The following INVS variants were observed in gnomAD, a reference collection of about 807,000 sequenced individuals.
The protein encoded by INVS is inversin.
Under a neutral mutation model 108.8 loss-of-function variants are expected in INVS, and 86 were observed. The ratio of observed to expected loss-of-function variants is 0.79; its 90% CI spans 0.66 to 0.95. The LOEUF is 0.95. INVS is among the 40% of genes least tolerant of loss of function. INVS has a pLI of 0.00. For synonymous variants in INVS, 455 were observed against 473.5 expected (o/e 0.96, Z 0.51); for missense variants, 1,169 against 1,297.4 (o/e 0.90, Z 1.52).
At position 100,126,396 on chromosome 9, in the gene INVS, TAAAGAC is replaced by T; in HGVS notation, c.126_131del (p.Asp42_Lys43del). On this transcript the variant is annotated inframe_deletion, in exon 3 of 17. Transcript: ENST00000262457. ...TTATCCTTATAGGAAACTCTGCTCT[TAAAGAC>T]AAAGAAGATCAGTTTGGGAGAACAC... The T allele has an allele frequency of 6.2e-7, 1 of 1,613,886 alleles. No individual in the cohort carries two copies. Among genetic ancestry groups the T allele is most frequent in the South Asian group, 1.1e-5 (1 of 91,072 alleles).
chr9:100,246,814 T>C, intron 8 of INVS, 27 bp downstream of exon 8: 1 of 1,606,194 alleles, frequency 6.2e-7, no homozygotes, highest in Non-Finnish European at 8.5e-7. Context: ...ACATTCAATT[T>C]GCTTTCATTT....
intron 5 of INVS, among the ~76,000 whole-genome samples, chr9:100,239,857 A>G (rs768309467): frequency 6.6e-6 from 1 of 152,170 alleles, no homozygotes; most frequent in Non-Finnish European, 1.5e-5. Flanking sequence ...CTGTAGTCCC[A>G]GCTACTTGGG....
At chr9:100,186,289 A>G (rs1830054200) in intron 3 of INVS, among the ~76,000 whole-genome samples, 2 of 152,086 alleles carry the variant, frequency 1.3e-5, no homozygotes, top group Non-Finnish European at 2.9e-5. Context: ...AGCTGGGATT[A>G]CAGGCACCCA....
At chr9:100,280,133 T>A (rs1319070075) in intron 12 of INVS, among the ~76,000 whole-genome samples, 2 of 152,176 alleles carry the variant, frequency 1.3e-5, no homozygotes, top group Non-Finnish European at 2.9e-5. Context: ...GGCTAGTGAT[T>A]TGTAAAAATT....
chr9:100,103,004 C>G (rs1349896381), intron 1 of INVS, among the ~76,000 whole-genome samples: 1 of 152,098 alleles, frequency 6.6e-6, no homozygotes, highest in Non-Finnish European at 1.5e-5. Context: ...GGGCACGCGC[C>G]ACCACGCCCA....
intron 3 of INVS, among the ~76,000 whole-genome samples, chr9:100,139,281 A>G (rs1828342864): frequency 6.6e-6 from 1 of 152,148 alleles, no homozygotes; most frequent in Admixed American, 6.5e-5. Context: ...TTGATACTGC[A>G]GTAACTTATT....
At chr9:100,255,656 C>T (rs142696116) in intron 10 of INVS, among the ~76,000 whole-genome samples, 396 of 152,286 alleles carry the variant, frequency 2.6e-3, no homozygotes, top group African/African-American at 9.2e-3. Flanking sequence ...GCCTTTTCTG[C>T]ATCTGTTGAG....
At chr9:100,167,497 A>C (rs1310551565) in intron 3 of INVS, among the ~76,000 whole-genome samples, 1 of 152,050 alleles carries the variant, frequency 6.6e-6, no homozygotes. Context: ...TGCTTTCATT[A>C]GTTTCTTATT....
intron 5 of INVS, among the ~76,000 whole-genome samples, chr9:100,230,717 C>T (rs1831484111): frequency 6.6e-6 from 1 of 152,110 alleles, no homozygotes; most frequent in Non-Finnish European, 1.5e-5. Context: ...CCGGGTTTCA[C>T]CATGTTGGCA....
chr9:100,210,810 C>T (rs537639674), intron 3 of INVS, among the ~76,000 whole-genome samples: 7 of 151,664 alleles, frequency 4.6e-5, no homozygotes, highest in African/African-American at 1.5e-4. Flanking sequence ...TTCTCAATCC[C>T]GGTTGCATTT....
intron 3 of INVS, among the ~76,000 whole-genome samples, chr9:100,177,403 G>A (rs1282061737): frequency 2.6e-5 from 4 of 152,224 alleles, no homozygotes; most frequent in African/African-American, 4.8e-5. Context: ...CATCACAGCA[G>A]TCTGAAGTCG....
chr9:100,151,868 C>T (rs1157865440), intron 3 of INVS, among the ~76,000 whole-genome samples: 3 of 152,198 alleles, frequency 2.0e-5, no homozygotes, highest in Non-Finnish European at 4.4e-5. Flanking sequence ...CTGATGAGCT[C>T]AGAGTGTTAC....
chr9:100,217,572 T>C (rs1018696686), intron 3 of INVS, among the ~76,000 whole-genome samples: 21 of 152,188 alleles, frequency 1.4e-4, no homozygotes, highest in African/African-American at 3.9e-4. Context: ...AGGACTCAGA[T>C]GGGCCCAGCA....
chr9:100,297,839 G>C, intron 15 of INVS, 97 bp from the exon 16 acceptor site: 5 of 1,233,378 alleles, frequency 4.1e-6, no homozygotes, highest in Non-Finnish European at 4.8e-6. Context: ...ACACACACCT[G>C]CAAGCTCAAG....
intron 4 of INVS, among the ~76,000 whole-genome samples, chr9:100,226,939 A>G (rs1233402497): frequency 1.3e-5 from 2 of 152,192 alleles, no homozygotes; most frequent in Non-Finnish European, 2.9e-5. Flanking sequence ...CAATGTCCTA[A>G]ATGCTTAGTG....
Position 100,264,850 on chromosome 9 carries a change from A to G in INVS, c.1493A>G (p.Asn498Ser). The G allele has an allele frequency of 1.2e-6, 2 of 1,613,852 alleles. No homozygotes were observed. Among genetic ancestry groups the G allele is most frequent in the Non-Finnish European group, 1.7e-6 (2 of 1,179,682 alleles). Residue 498 changes from asparagine (N) to serine (S), a missense_variant, in exon 11 of 17, where the codon AAC (asparagine) becomes AGC (serine). This residue lies in a region of INVS where 271 missense variants were observed against 363.8 expected (regional missense o/e 0.74). Transcript: ENST00000262457. ...AGAACAGCTTTGCATTGGTCCTGCAACAATGGATACCTTGATGCCATTAAA... is the reference window on the plus strand; with the variant it reads ...AGAACAGCTTTGCATTGGTCCTGCAGCAATGGATACCTTGATGCCATTAAA... ...EGRTALHWSC[N>S]NGYLDAIKLL...
chr9:100,295,039 T>C (rs1833748591), intron 14 of INVS, among the ~76,000 whole-genome samples: 1 of 152,138 alleles, frequency 6.6e-6, no homozygotes, highest in Admixed American at 6.6e-5. Context: ...CAGGTGGAAA[T>C]GGCCATTGCA....
In INVS at chr9:100,300,721, G is replaced by T. The variant is rs1183808571; in HGVS notation, c.*47G>T. On this transcript the variant is annotated 3_prime_UTR_variant, in exon 17 of 17. Coordinates refer to ENST00000262457, the MANE Select transcript of INVS (RefSeq NM_014425.5). ...GTTCGGGGGAGCTGGCATAGCTAGT[G>T]CAGAGTTCAGATTTTCTGCTGATAA... is the stretch of plus-strand genomic sequence containing the variant. 7.7e-7 allele frequency: 1 copy of T among 1,306,228 alleles called. No individual in the cohort carries two copies. Among genetic ancestry groups the T allele is most frequent in the East Asian group, 2.3e-5 (1 of 43,200 alleles). The allele number at this position is 1,306,228 out of a possible 1,614,324, so 80.9% of individuals were successfully genotyped here. A position where few individuals can be genotyped will look rare whatever the true frequency, so the allele number is the denominator to read the frequency against.
intron 10 of INVS, among the ~76,000 whole-genome samples, chr9:100,257,207 T>C (rs1427120284): frequency 3.9e-5 from 6 of 152,330 alleles, no homozygotes; most frequent in Admixed American, 1.3e-4. Context: ...TTAAAGTCTG[T>C]TTTATCAGAG....
Sources: gnomAD v4.1 joint callset for allele counts (sites outside exome capture counted in the v4.1 genomes callset) on GRCh38, gnomAD v4.1.1 for gene constraint, gnomAD v4.1.1 regional missense constraint, MANE v1.5 for transcripts, NCBI Gene and HGNC (gene_info 2026-07-23, HGNC 2026-07-21) for gene names.